SBF2: variants seen among roughly 807,000 people sequenced by gnomAD.
The protein encoded by SBF2 is myotubularin-related protein 13.
Under a neutral mutation model 225.2 loss-of-function variants are expected in SBF2, and 112 were observed. That is an observed-to-expected ratio of 0.50 (90% CI 0.43 to 0.58). The LOEUF is 0.58. SBF2 is among the 20% of genes least tolerant of loss of function. The probability of loss-of-function intolerance (pLI) is 0.00; values close to 1 mark genes in which losing one functional copy is unlikely to be tolerated. For missense variants in SBF2, 1,996 were observed against 2,206.2 expected (o/e 0.90, Z 1.91); for synonymous variants, 763 against 773.3 (o/e 0.99, Z 0.22).
intron 1 of SBF2, among the ~76,000 whole-genome samples, chr11:10,263,206 TCAA>T (rs1350764304): frequency 6.6e-5 from 10 of 151,970 alleles, no homozygotes; most frequent in Admixed American, 4.6e-4. Flanking sequence ...GCACAATAAA[TCAA>T]CATTTCAGAC....
rs757501461 is a variant in SBF2 at position 10,028,511 on chromosome 11, G to C, written c.560C>G (p.Pro187Arg). The C allele has an allele frequency of 1.2e-6, 2 of 1,613,712 alleles. No individual in the cohort carries two copies. The highest frequency in any genetic ancestry group is 2.7e-5 in the African/African-American group (2 of 74,880). The stretch of plus-strand genomic sequence containing the variant: ...CGTGATAGGAAGACTATCATGTAAA[G>C]GAGTCTGGATCAACTGTCTATCTCC... ...GAGDRQLIQT[P>R]LHDSLPITGT... is the part of the protein sequence containing the mutation. The change falls in exon 6 of 40, where the codon CCT becomes CGT. Residue 187 changes from proline (P) to arginine (R), a missense_variant. Pro to Arg is a moderately radical substitution (Grantham distance 103). Transcript: ENST00000256190.
intron 2 of SBF2, among the ~76,000 whole-genome samples, chr11:10,121,567 C>G (rs971541585): frequency 2.6e-5 from 4 of 152,130 alleles, no homozygotes; most frequent in African/African-American, 9.7e-5. Flanking sequence ...ATTCTCGAAA[C>G]CAATTTTACA....
intron 2 of SBF2, among the ~76,000 whole-genome samples, chr11:10,056,918 T>C (rs971867619): frequency 6.6e-6 from 1 of 152,172 alleles, no homozygotes; most frequent in Admixed American, 6.5e-5. Context: ...TATTAAAATG[T>C]GGCCAGACTG....
chr11:9,902,606 T>A (rs1442774641), intron 16 of SBF2, among the ~76,000 whole-genome samples: 1 of 152,176 alleles, frequency 6.6e-6, no homozygotes, highest in Non-Finnish European at 1.5e-5. Context: ...TTAACAAGAA[T>A]GACAATAATC....
rs12281432 is a variant in SBF2, at chr11:10,235,654, G to T, written c.56-41667C>A. 2.2e-4 allele frequency among the ~76,000 whole-genome samples: 33 copies of T among 152,002 alleles called. No homozygotes were observed. The South Asian group carries it at 6.6e-3, about 31-fold the overall frequency. Reference sequence around the variant, plus strand: ...CTTTCAAATCAACAATCCTTCAAACGTTTCTATAGTTCATATTGTAATTTC... The same window carrying T: ...CTTTCAAATCAACAATCCTTCAAACTTTTCTATAGTTCATATTGTAATTTC... On this transcript the variant is annotated intron_variant, in intron 1 of 39. Coordinates refer to ENST00000256190, the MANE Select transcript of SBF2 (RefSeq NM_030962.4).
chr11:10,223,399 TTATATA>T (rs3074175), intron 1 of SBF2, among the ~76,000 whole-genome samples: 1,909 of 59,088 alleles, frequency 0.032, 46 homozygotes, highest in East Asian at 0.095. Flanking sequence ...ATTTTGCACA[TTATATA>T]TATATATATA....
At chr11:9,946,892 C>T (rs1171462281) in intron 16 of SBF2, among the ~76,000 whole-genome samples, 2 of 152,188 alleles carry the variant, frequency 1.3e-5, no homozygotes, top group Non-Finnish European at 2.9e-5. Flanking sequence ...CTTTTCTATA[C>T]ACTTAGACAG....
chr11:9,877,292 T>C (rs1396604224), intron 17 of SBF2, among the ~76,000 whole-genome samples: 4 of 152,214 alleles, frequency 2.6e-5, no homozygotes, highest in African/African-American at 9.7e-5. Context: ...ATGAAGTAAG[T>C]TCCTGTGTTG....
At chr11:10,097,446 T>A (rs4529876) in intron 2 of SBF2, among the ~76,000 whole-genome samples, 1 of 152,132 alleles carries the variant, frequency 6.6e-6, no homozygotes, top group Non-Finnish European at 1.5e-5. Flanking sequence ...ACAGTATTAC[T>A]TTCCAGGCAA....
At chr11:10,078,655 G>C (rs932259733) in intron 2 of SBF2, among the ~76,000 whole-genome samples, 1 of 152,150 alleles carries the variant, frequency 6.6e-6, no homozygotes, top group Non-Finnish European at 1.5e-5. Flanking sequence ...GGGAGGGATA[G>C]CATTAGGAGA....
chr11:10,180,084 GT>G (rs754664574), intron 2 of SBF2, among the ~76,000 whole-genome samples: 4 of 151,928 alleles, frequency 2.6e-5, no homozygotes, highest in East Asian at 3.9e-4. Flanking sequence ...AGTCCTTGTG[GT>G]TTTTATTTTT....
chr11:9,932,742 C>T (rs1864585986), intron 16 of SBF2, among the ~76,000 whole-genome samples: 1 of 152,008 alleles, frequency 6.6e-6, no homozygotes, highest in Non-Finnish European at 1.5e-5. Flanking sequence ...AAATAACCAG[C>T]TAGCATCATA....
intron 13 of SBF2, among the ~76,000 whole-genome samples, chr11:9,981,204 ATTC>A (rs1946942167): frequency 6.6e-6 from 1 of 152,198 alleles, no homozygotes; most frequent in Admixed American, 6.5e-5. Flanking sequence ...CTGACCCTGA[ATTC>A]TTCTTCACTA....
intron 1 of SBF2, among the ~76,000 whole-genome samples, chr11:10,244,430 C>T (rs566225112): frequency 6.6e-6 from 1 of 152,142 alleles, no homozygotes; most frequent in African/African-American, 2.4e-5. Flanking sequence ...TGAGTATATG[C>T]ATGGATTTGT....
intron 1 of SBF2, among the ~76,000 whole-genome samples, chr11:10,200,903 A>G (rs1957546932): frequency 6.6e-6 from 1 of 152,206 alleles, no homozygotes; most frequent in Admixed American, 6.5e-5. Context: ...CAATATTGGC[A>G]TAAGTCCAAT....
chr11:10,049,799 G>A (rs186432025), intron 2 of SBF2, among the ~76,000 whole-genome samples: 4 of 152,180 alleles, frequency 2.6e-5, no homozygotes, highest in Non-Finnish European at 5.9e-5. Context: ...GTAGCAGAAC[G>A]GTATAATCCT....
At chr11:9,924,630 C>T (rs7932661) in intron 16 of SBF2, among the ~76,000 whole-genome samples, 30,651 of 152,034 alleles carry the variant, frequency 0.2, 3,879 homozygotes, top group Non-Finnish European at 0.29. Flanking sequence ...CGAGGTTTCA[C>T]GATGCTGGCC....
At chr11:9,819,691 A>G (rs1478967695) in intron 28 of SBF2, among the ~76,000 whole-genome samples, 3 of 152,302 alleles carry the variant, frequency 2.0e-5, no homozygotes, top group Non-Finnish European at 1.5e-5. Context: ...TTAGGAATAC[A>G]TTGGTCCTCA....
At chr11:10,179,373 CAAAAACAA>C (rs1358271576) in intron 2 of SBF2, among the ~76,000 whole-genome samples, 2 of 118,814 alleles carry the variant, frequency 1.7e-5, no homozygotes, top group Admixed American at 8.1e-5. Flanking sequence ...AAACAAAAAA[CAAAAACAA>C]AAAAACAAAA....
Sources: gnomAD v4.1 joint callset for allele counts (sites outside exome capture counted in the v4.1 genomes callset) on GRCh38, gnomAD v4.1.1 for gene constraint, MANE v1.5 for transcripts, NCBI Gene and HGNC (gene_info 2026-07-23, HGNC 2026-07-21) for gene names.